ANKRD54: variants seen among roughly 807,000 people sequenced by gnomAD.
The protein encoded by ANKRD54 is ankyrin repeat domain 54.
Under a neutral mutation model 36.2 loss-of-function variants are expected in ANKRD54, and 26 were observed. The ratio of observed to expected loss-of-function variants is 0.72; its 90% CI spans 0.53 to 1.00. The LOEUF (loss-of-function observed/expected upper bound fraction) is 1.00. Ranked by LOEUF, ANKRD54 falls within the 50% of genes least tolerant of loss-of-function variation. The pLI is 0.00. For synonymous variants in ANKRD54, 209 were observed against 188.4 expected (o/e 1.11, Z -0.89); for missense variants, 384 against 424.3 (o/e 0.91, Z 0.83).
chr22:37,833,000 G>GC lies in ANKRD54; in HGVS notation c.677dup (p.His227ProfsTer30). ...GCACAGCCTCTAGGCACTGGGCATG[G>GC]CCCTCCTGCAGGATATTCAGCTTTG... On this transcript the variant is annotated frameshift_variant, in exon 6 of 8. Coordinates refer to ENST00000215941, the MANE Select transcript of ANKRD54 (RefSeq NM_138797.4). LOFTEE classifies it high-confidence loss of function. The GC allele has an allele frequency of 6.2e-7, 1 of 1,614,130 alleles. No homozygotes were observed.
intron 3 of ANKRD54, among the ~76,000 whole-genome samples, chr22:37,838,191 A>G (rs1461788644): frequency 2.0e-5 from 3 of 151,964 alleles, no homozygotes; most frequent in Admixed American, 1.3e-4. Context: ...TGTGGTTGGC[A>G]CTGAGTAAAT....
At chr22:37,843,882 CG>C in intron 1 of ANKRD54, 28 bp downstream of exon 1, 3 of 1,203,302 alleles carry the variant, frequency 2.5e-6, no homozygotes, top group Non-Finnish European at 3.1e-6. Context: ...TGCCCCGCCC[CG>C]GGCCCCCGCG....
At chr22:37,832,489 T>C in intron 7 of ANKRD54, 148 bp downstream of exon 7, 3 of 668,752 alleles carry the variant, frequency 4.5e-6, no homozygotes, top group East Asian at 2.7e-5. Context: ...CAGCCTCCCA[T>C]AGCGTTGGGA....
In ANKRD54 at chr22:37,838,573, C is replaced by T. The variant is rs117191799; in HGVS notation, c.402G>A (p.Ala134=). The T allele has an allele frequency of 3.5e-5, 56 of 1,611,198 alleles. No individual in the cohort carries two copies. The highest frequency in any genetic ancestry group is 2.8e-4 in the South Asian group (25 of 90,392). The part of the protein sequence containing the change: ...ETVQQLLEDG[A]DPCAADDKGR... ...CCTTGTCATCAGCTGCACAGGGATC[C>T]GCGCCATCTTCCAGCAGCTGCTGCA... The change falls in exon 3 of 8, where the codon GCG becomes GCA. Residue 134 remains alanine (A), a synonymous_variant. Transcript: ENST00000215941.
In ANKRD54 at chr22:37,832,518, G is replaced by A. The variant is rs1048379646; in HGVS notation, c.828+119C>T. 4.5e-6 allele frequency: 4 copies of A among 879,326 alleles called. No individual in the cohort carries two copies. The African/African-American group carries it at 6.7e-5, about 15-fold the overall frequency. 54.5% of individuals were successfully genotyped at this position (879,326 alleles called of 1,614,324 possible). A position where few individuals can be genotyped will look rare whatever the true frequency, so the allele number is the denominator to read the frequency against. Reference sequence around the variant, plus strand: ...GTTGGGATTACAGGTGTGAGCCCCTGCGGCTGGCCCCAGCCCACAGCCTCT... The same window carrying A: ...GTTGGGATTACAGGTGTGAGCCCCTACGGCTGGCCCCAGCCCACAGCCTCT... On this transcript the variant is annotated intron_variant, in intron 7 of 7. Coordinates refer to ENST00000215941, the MANE Select transcript of ANKRD54 (RefSeq NM_138797.4).
chr22:37,844,304 C>T lies in ANKRD54; in HGVS notation c.-66G>A. 1 of 1,510,252 alleles carries T rather than the reference C, an allele frequency of 6.6e-7. No individual in the cohort carries two copies. Among genetic ancestry groups the T allele is most frequent in the South Asian group, 1.2e-5 (1 of 83,098 alleles). 93.6% of individuals were successfully genotyped at this position (1,510,252 alleles called of 1,614,324 possible). On this transcript the variant is annotated 5_prime_UTR_variant, in exon 1 of 8. Transcript: ENST00000215941. The stretch of plus-strand genomic sequence containing the variant: ...CCCGACCGACCAACGGACCTACTTC[C>T]CTCCGCCCTGAGTCGTGCTGTCAGC...
At chr22:37,832,060 G>C in intron 7 of ANKRD54, 43 bp from the exon 8 acceptor site, 1 of 1,557,718 alleles carries the variant, frequency 6.4e-7, no homozygotes, top group Non-Finnish European at 8.8e-7. Flanking sequence ...CACGGGGTGT[G>C]CCAGGGCTCC....
upstream of ANKRD54, chr22:37,847,592 A>C: frequency 6.4e-6 from 3 of 468,860 alleles, no homozygotes. Context: ...GATCTCTTTC[A>C]CTGTCATTAT....
rs1011607970 is a variant in ANKRD54 at position 37,831,578 on chromosome 22, G to C, written c.*365C>G. The C allele has an allele frequency of 4.0e-6, 1 of 247,684 alleles. No individual in the cohort carries two copies. Among genetic ancestry groups the C allele is most frequent in the Non-Finnish European group, 8.0e-6 (1 of 124,314 alleles). 15.3% of individuals were successfully genotyped at this position (247,684 alleles called of 1,614,324 possible). ...CTGACTGCAACAAGCCCATGGCCAGGACGGAACACAGAGAAGGGTCTGAGG... is the reference window on the plus strand; with the variant it reads ...CTGACTGCAACAAGCCCATGGCCAGCACGGAACACAGAGAAGGGTCTGAGG... On this transcript the variant is annotated 3_prime_UTR_variant, in exon 8 of 8. Coordinates refer to ENST00000215941, the MANE Select transcript of ANKRD54 (RefSeq NM_138797.4).
chr22:37,845,839 A>T (rs888356553), upstream of ANKRD54, among the ~76,000 whole-genome samples: 3 of 151,920 alleles, frequency 2.0e-5, no homozygotes, highest in African/African-American at 7.3e-5. Context: ...ATGGCACTCC[A>T]GCCTGGGTGA....
rs780715015 is a variant in ANKRD54 at position 37,840,212 on chromosome 22, C to T, written c.351G>A (p.Ser117=). ...CTGTTTCCACATCATTGGCATTGGC[C>T]GAGTCCCTCAGTCTCTTCAGAGCTG... The part of the protein sequence containing the change: ...EVHALKRLRD[S]ANANDVETVQ... Residue 117 remains serine, a synonymous_variant, in exon 2 of 8, where the codon TCG becomes TCA. Coordinates refer to ENST00000215941, the MANE Select transcript of ANKRD54 (RefSeq NM_138797.4). The T allele has an allele frequency of 3.7e-6, 6 of 1,613,988 alleles. No homozygotes were observed. Among genetic ancestry groups the T allele is most frequent in the East Asian group, 2.2e-5 (1 of 44,872 alleles).
intron 3 of ANKRD54, 23 bp downstream of exon 3, chr22:37,838,477 C>T (rs1923811440): frequency 2.5e-6 from 4 of 1,599,158 alleles, no homozygotes; most frequent in Non-Finnish European, 1.7e-6. Context: ...AGCCCTACTC[C>T]CTCCTCCCTC....
chr22:37,834,551 G>C (rs1032611443), intron 3 of ANKRD54: 2 of 151,640 alleles, frequency 1.3e-5, no homozygotes, highest in African/African-American at 4.9e-5. Flanking sequence ...ACAAAAATTA[G>C]CTGGGCATAG....
Position 37,844,300 on chromosome 22 carries a change from C to T in ANKRD54, c.-62G>A. On this transcript the variant is annotated 5_prime_UTR_variant, in exon 1 of 8. Transcript: ENST00000215941. Reference sequence around the variant, plus strand: ...CGTTCCCGACCGACCAACGGACCTACTTCCCTCCGCCCTGAGTCGTGCTGT... The same window carrying T: ...CGTTCCCGACCGACCAACGGACCTATTTCCCTCCGCCCTGAGTCGTGCTGT... 2 of 1,518,424 alleles carry T rather than the reference C, an allele frequency of 1.3e-6. No individual in the cohort carries two copies. Among genetic ancestry groups the T allele is most frequent in the Middle Eastern group, 3.4e-4 (2 of 5,812 alleles). 94.1% of individuals were successfully genotyped at this position (1,518,424 alleles called of 1,614,324 possible). A position where few individuals can be genotyped will look rare whatever the true frequency, so the allele number is the denominator to read the frequency against.
At chr22:37,840,039 G>A in intron 2 of ANKRD54, 148 bp downstream of exon 2, 4 of 926,968 alleles carry the variant, frequency 4.3e-6, no homozygotes. Flanking sequence ...CCTTCAGCAA[G>A]ATGACTGCAC....
intron 3 of ANKRD54, among the ~76,000 whole-genome samples, chr22:37,837,027 CAA>C (rs34090289): frequency 1.6e-4 from 12 of 75,036 alleles, no homozygotes; most frequent in East Asian, 4.3e-4. Context: ...GACTCCGTCT[CAA>C]AAAAAAAAAA....
Position 37,844,156 on chromosome 22 carries a change from T to C in ANKRD54, c.83A>G (p.Glu28Gly), listed in dbSNP as rs1167279919. ...SSEGECAVAP[E>G]PLTDAEGLFS... ...GAGGCCCTCAGCGTCAGTCAGCGGC[T>C]CCGGCGCCACCGCGCACTCGCCCTC... Residue 28 changes from glutamate to glycine, a missense_variant, in exon 1 of 8, where the codon GAG becomes GGG. By Grantham distance (98) the Glu-to-Gly change is moderately conservative. Transcript: ENST00000215941. The C allele has an allele frequency of 4.0e-6, 6 of 1,498,636 alleles. No individual in the cohort carries two copies. The highest frequency in any genetic ancestry group is 4.4e-5 in the Admixed American group (2 of 45,660). The allele number at this position is 1,498,636 out of a possible 1,614,324, so 92.8% of individuals were successfully genotyped here.
chr22:37,841,848 AAAATAAAT>A lies in ANKRD54; in HGVS notation c.329-1622_329-1615del, dbSNP rs56891536. Among the ~76,000 whole-genome samples, 199 of 137,866 alleles carry A rather than the reference AAAATAAAT, an allele frequency of 1.4e-3. 1 individual carries two copies. Among genetic ancestry groups the A allele is most frequent in the Admixed American group, 3.1e-3 (42 of 13,414 alleles). The allele number at this position is 137,866 out of a possible 152,430, so 90.4% of individuals were successfully genotyped here. A position where few individuals can be genotyped will look rare whatever the true frequency, so the allele number is the denominator to read the frequency against. ...GGGCAATAGAGCAAGACTCTGTCTC[AAAATAAAT>A]AAATAAATAAATAAATAAATAAATA... On this transcript the variant is annotated intron_variant, in intron 1 of 7. Coordinates refer to ENST00000215941, the MANE Select transcript of ANKRD54 (RefSeq NM_138797.4).
At chr22:37,838,716 C>G in intron 2 of ANKRD54, 118 bp from the exon 3 acceptor site, 2 of 927,670 alleles carry the variant, frequency 2.2e-6, no homozygotes, top group Non-Finnish European at 3.2e-6. Context: ...ATCGACAATG[C>G]ATAGGAAAGC....
Sources: gnomAD v4.1 joint callset for allele counts (sites outside exome capture counted in the v4.1 genomes callset) on GRCh38, gnomAD v4.1.1 for gene constraint, MANE v1.5 for transcripts, NCBI Gene and HGNC (gene_info 2026-07-23, HGNC 2026-07-21) for gene names.